Variants in RNF4 observed in about 807,000 individuals in gnomAD.
RNF4 encodes the protein ring finger protein 4, also known as E3 ubiquitin-protein ligase RNF4.
Under a neutral mutation model 24.3 loss-of-function variants are expected in RNF4, and 7 were observed. The ratio of observed to expected loss-of-function variants is 0.29; its 90% CI spans 0.16 to 0.54. The LOEUF is 0.54. Among genes scored for constraint, RNF4 ranks in the 20% least tolerant of loss-of-function variants. The probability of loss-of-function intolerance (pLI) is 0.95; values close to 1 mark genes in which losing one functional copy is unlikely to be tolerated. For missense variants in RNF4, 209 were observed against 248.5 expected (o/e 0.84, Z 1.07); for synonymous variants, 83 against 84.3 (o/e 0.98, Z 0.09).
At chr4:2,508,565 TTTTG>T (rs1023771673) in intron 4 of RNF4, among the ~76,000 whole-genome samples, 6 of 152,278 alleles carry the variant, frequency 3.9e-5, no homozygotes, top group South Asian at 2.1e-4. Context: ...GGTTTTGTTT[TTTTG>T]TTTGTTTGGT....
chr4:2,484,205 T>C (rs1186153270), intron 1 of RNF4, among the ~76,000 whole-genome samples: 1 of 151,688 alleles, frequency 6.6e-6, no homozygotes, highest in African/African-American at 2.4e-5. Context: ...GTGTACCTGG[T>C]GTAGGCCTAG....
chr4:2,485,065 C>G (rs921420382), intron 1 of RNF4, among the ~76,000 whole-genome samples: 3 of 152,128 alleles, frequency 2.0e-5, no homozygotes, highest in African/African-American at 7.2e-5. Flanking sequence ...GCCCACCCCA[C>G]CCACATACAT....
intron 1 of RNF4, among the ~76,000 whole-genome samples, chr4:2,487,792 C>T (rs1478260670): frequency 1.3e-5 from 2 of 152,168 alleles, no homozygotes; most frequent in African/African-American, 2.4e-5. Flanking sequence ...TGCAAGTCAC[C>T]CTTTATTAGA....
chr4:2,501,415 G>GGGAGGCTGGAGCCCA (rs563254605), intron 4 of RNF4, among the ~76,000 whole-genome samples: 1,778 of 152,344 alleles, frequency 0.012, 27 homozygotes, highest in African/African-American at 0.04. Flanking sequence ...CCTGATGCCA[G>GGGAGGCTGGAGCCCA]GGAGGCTGGA....
chr4:2,510,101 C>T (rs577433663), intron 4 of RNF4, among the ~76,000 whole-genome samples: 1 of 152,288 alleles, frequency 6.6e-6, no homozygotes, highest in East Asian at 1.9e-4. Context: ...AAGGGGAGCA[C>T]GTTTCAGTGG....
chr4:2,507,153 A>T (rs1377253860), intron 4 of RNF4, among the ~76,000 whole-genome samples: 1 of 151,344 alleles, frequency 6.6e-6, no homozygotes, highest in African/African-American at 2.4e-5. Context: ...CATTTATGAG[A>T]CTCTGTAGAA....
intron 2 of RNF4, among the ~76,000 whole-genome samples, chr4:2,491,262 G>A (rs1314539696): frequency 6.6e-6 from 1 of 152,058 alleles, no homozygotes; most frequent in African/African-American, 2.4e-5. Flanking sequence ...TTTGAAACAG[G>A]GTCTCGCTCT....
At chr4:2,500,833 G>A (rs1578518502) in intron 4 of RNF4, 95 bp downstream of exon 4, 1 of 1,148,718 alleles carries the variant, frequency 8.7e-7, no homozygotes, top group Non-Finnish European at 1.3e-6. Context: ...TCCAAGTCAA[G>A]GTTACAGCTT....
At chr4:2,479,074 C>G (rs1735170298) in intron 1 of RNF4, among the ~76,000 whole-genome samples, 1 of 152,160 alleles carries the variant, frequency 6.6e-6, no homozygotes, top group South Asian at 2.1e-4. Context: ...CAAAGGAGAT[C>G]ATTTTGGAGC....
chr4:2,488,018 GT>G (rs1215141516), intron 1 of RNF4, among the ~76,000 whole-genome samples: 1 of 152,154 alleles, frequency 6.6e-6, no homozygotes, highest in Non-Finnish European at 1.5e-5. Flanking sequence ...TGCACACTTA[GT>G]TCCTAACTTC....
At chr4:2,484,146 G>C (rs1281983545) in intron 1 of RNF4, among the ~76,000 whole-genome samples, 2 of 141,162 alleles carry the variant, frequency 1.4e-5, no homozygotes, top group Non-Finnish European at 3.0e-5. Flanking sequence ...CTTATTTTCA[G>C]TGGGTAATTG....
intron 1 of RNF4, among the ~76,000 whole-genome samples, chr4:2,485,477 G>C (rs1735379429): frequency 6.6e-6 from 1 of 152,112 alleles, no homozygotes; most frequent in South Asian, 2.1e-4. Flanking sequence ...TTCTCCCTGG[G>C]TGTCTCACAC....
At chr4:2,480,045 C>G (rs1735201156) in intron 1 of RNF4, 1 of 152,108 alleles carries the variant, frequency 6.6e-6, no homozygotes, top group Non-Finnish European at 1.5e-5. Context: ...ATCCTCCCAT[C>G]TTAGCCTCCT....
rs529919717 is a variant in RNF4 at position 2,506,440 on chromosome 4, C to T, written c.205-5516C>T. Among the ~76,000 whole-genome samples, 10 of 152,284 alleles carry T rather than the reference C, an allele frequency of 6.6e-5. No homozygotes were observed. In the East Asian group the frequency reaches 1.9e-3, roughly 29 times the overall value. On this transcript the variant is annotated intron_variant, in intron 4 of 7. Coordinates refer to ENST00000314289, the MANE Select transcript of RNF4 (RefSeq NM_002938.5). The stretch of plus-strand genomic sequence containing the variant: ...CAAGTGATATACCTGACTCAGCCTC[C>T]CAAAGTGCTAGGATTACAGACGTGA...
intron 1 of RNF4, among the ~76,000 whole-genome samples, chr4:2,484,001 A>AT (rs1177530820): frequency 1.7e-5 from 2 of 115,002 alleles, no homozygotes; most frequent in Non-Finnish European, 3.4e-5. Flanking sequence ...TAATTGTTGT[A>AT]TTTTTAGTAG....
rs948558138 is a variant in RNF4 at position 2,513,959 on chromosome 4, A to G, written c.*140A>G. On this transcript the variant is annotated 3_prime_UTR_variant, in exon 8 of 8. Transcript: ENST00000314289. Reference sequence around the variant, plus strand: ...TATGTAAACTGCTCTTTTGTTTCCAACCCCTTCCTTTTGTTATCTCCAGTT... The same window carrying G: ...TATGTAAACTGCTCTTTTGTTTCCAGCCCCTTCCTTTTGTTATCTCCAGTT... 1.7e-6 allele frequency: 2 copies of G among 1,144,840 alleles called. No individual in the cohort carries two copies. The highest frequency in any genetic ancestry group is 2.5e-6 in the Non-Finnish European group (2 of 797,006). The allele number at this position is 1,144,840 out of a possible 1,614,324, so 70.9% of individuals were successfully genotyped here. A position where few individuals can be genotyped will look rare whatever the true frequency, so the allele number is the denominator to read the frequency against.
At chr4:2,476,216 C>T (rs1735066375) in intron 1 of RNF4, among the ~76,000 whole-genome samples, 1 of 152,180 alleles carries the variant, frequency 6.6e-6, no homozygotes, top group Admixed American at 6.5e-5. Context: ...CTAAATTCTG[C>T]TCCTAAATAT....
intron 4 of RNF4, among the ~76,000 whole-genome samples, chr4:2,507,962 C>A (rs1298831696): frequency 2.0e-5 from 3 of 152,148 alleles, no homozygotes; most frequent in Non-Finnish European, 4.4e-5. Flanking sequence ...TGAAGAGATC[C>A]TCCTGCCTCA....
At chr4:2,502,534 A>ATT (rs1422156640) in intron 4 of RNF4, among the ~76,000 whole-genome samples, 1 of 151,982 alleles carries the variant, frequency 6.6e-6, no homozygotes, top group Non-Finnish European at 1.5e-5. Context: ...AAATACAAAA[A>ATT]TTATGCGGAC....
Sources: gnomAD v4.1 joint callset for allele counts (sites outside exome capture counted in the v4.1 genomes callset) on GRCh38, gnomAD v4.1.1 for gene constraint, MANE v1.5 for transcripts, NCBI Gene and HGNC (gene_info 2026-07-23, HGNC 2026-07-21) for gene names.